Variants in ERBB4 observed in about 807,000 individuals in gnomAD.
ERBB4 encodes the protein erb-b2 receptor tyrosine kinase 4.
A neutral mutation model predicts 158.0 loss-of-function variants in ERBB4; 42 were observed. The observed-to-expected ratio is 0.27, with a 90% CI of 0.21 to 0.34. The LOEUF (loss-of-function observed/expected upper bound fraction) is 0.34. ERBB4 is among the 10% of genes least tolerant of loss of function. ERBB4 has a pLI of 1.00. For missense variants in ERBB4, 1,333 were observed against 1,624.1 expected, an observed-to-expected ratio of 0.82 and a Z score of 3.08; for synonymous variants, 583 against 558.7, an observed-to-expected ratio of 1.04 and a Z score of -0.61.
At chr2:211,548,981 A>C (rs1481066129) in intron 20 of ERBB4, among the ~76,000 whole-genome samples, 1 of 152,120 alleles carries the variant, frequency 6.6e-6, no homozygotes, top group Non-Finnish European at 1.5e-5. Context: ...CCAGTTCCAC[A>C]AAAGAAAATT....
chr2:211,998,417 T>A (rs1252677683), intron 2 of ERBB4, among the ~76,000 whole-genome samples: 1 of 151,484 alleles, frequency 6.6e-6, no homozygotes, highest in African/African-American at 2.4e-5. Context: ...TTATCACAGA[T>A]CTTTCTGAGA....
At chr2:212,457,774 T>C (rs1365110433) in intron 1 of ERBB4, among the ~76,000 whole-genome samples, 1 of 152,046 alleles carries the variant, frequency 6.6e-6, no homozygotes, top group Non-Finnish European at 1.5e-5. Flanking sequence ...ATTAGGCCTA[T>C]ATGTGAAATC....
At chr2:211,701,483 G>C (rs937611323) in intron 12 of ERBB4, among the ~76,000 whole-genome samples, 1 of 152,126 alleles carries the variant, frequency 6.6e-6, no homozygotes, top group African/African-American at 2.4e-5. Context: ...ACGGCCGGGC[G>C]CGGTGGCTCA....
intron 20 of ERBB4, among the ~76,000 whole-genome samples, chr2:211,550,883 G>T (rs2067075291): frequency 6.6e-6 from 1 of 150,610 alleles, no homozygotes; most frequent in Admixed American, 6.6e-5. Context: ...CTCTAATTAT[G>T]ACATGTCCTA....
chr2:212,060,061 T>A (rs1372895375), intron 2 of ERBB4, among the ~76,000 whole-genome samples: 2 of 152,126 alleles, frequency 1.3e-5, no homozygotes, highest in African/African-American at 4.8e-5. Context: ...AGGGCTAATA[T>A]CCAGAATCTA....
At chr2:211,579,923 G>A (rs1278162257) in intron 19 of ERBB4, among the ~76,000 whole-genome samples, 5 of 151,974 alleles carry the variant, frequency 3.3e-5, no homozygotes, top group Non-Finnish European at 4.4e-5. Flanking sequence ...CGTAACCTAC[G>A]TAACAAACCT....
At chr2:212,265,349 T>C (rs1218420919) in intron 1 of ERBB4, among the ~76,000 whole-genome samples, 1 of 152,102 alleles carries the variant, frequency 6.6e-6, no homozygotes, top group African/African-American at 2.4e-5. Flanking sequence ...AGAAGGTGAA[T>C]TATTGTACAT....
chr2:212,312,148 A>AG (rs992166620), intron 1 of ERBB4, among the ~76,000 whole-genome samples: 16 of 150,946 alleles, frequency 1.1e-4, no homozygotes, highest in African/African-American at 3.6e-4. Flanking sequence ...TTGTAACTGC[A>AG]GGGGGAGAAA....
intron 1 of ERBB4, among the ~76,000 whole-genome samples, chr2:212,182,774 T>A (rs549452926): frequency 1.1e-3 from 173 of 151,960 alleles, no homozygotes; most frequent in African/African-American, 3.8e-3. Context: ...TGTTTTGTTT[T>A]GTTTTGCTTT....
chr2:211,566,535 T>A, intron 19 of ERBB4, among the ~76,000 whole-genome samples: 1 of 152,138 alleles, frequency 6.6e-6, no homozygotes, highest in East Asian at 1.9e-4. Context: ...AGTAAACATT[T>A]GAAATAAAGC....
At chr2:211,598,322 G>A (rs1574833702) in intron 19 of ERBB4, among the ~76,000 whole-genome samples, 2 of 152,078 alleles carry the variant, frequency 1.3e-5, no homozygotes, top group South Asian at 2.1e-4. Flanking sequence ...AATGAACCCT[G>A]AAAACAGGAA....
chr2:212,013,056 T>TA lies in ERBB4; in HGVS notation c.235-65441_235-65440insT, dbSNP rs199882227. Among the ~76,000 whole-genome samples, 85 of 147,842 alleles carry TA rather than the reference T, an allele frequency of 5.7e-4. 1 individual carries two copies. The highest frequency in any genetic ancestry group is 3.6e-3 in the Middle Eastern group (1 of 278). On this transcript the variant is annotated intron_variant, in intron 2 of 27. Transcript: ENST00000342788. Reference sequence around the variant, plus strand: ...CACCATGCCCAGCCAAGAAATACTTTCCTTTTTTTTTTTTTTTTGAGACAG... The same window carrying TA: ...CACCATGCCCAGCCAAGAAATACTTTACCTTTTTTTTTTTTTTTTGAGACAG...
intron 3 of ERBB4, among the ~76,000 whole-genome samples, chr2:211,937,649 G>A (rs887204329): frequency 2.0e-5 from 3 of 152,062 alleles, no homozygotes; most frequent in African/African-American, 7.2e-5. Flanking sequence ...CCAGAAGGAA[G>A]GAGAATGAAT....
chr2:211,683,355 G>A (rs919477679), intron 12 of ERBB4, among the ~76,000 whole-genome samples: 1 of 151,990 alleles, frequency 6.6e-6, no homozygotes, highest in Non-Finnish European at 1.5e-5. Context: ...ACCCATTAGA[G>A]CTCCATTGCT....
At chr2:212,470,195 T>C (rs751466362) in intron 1 of ERBB4, among the ~76,000 whole-genome samples, 27 of 152,112 alleles carry the variant, frequency 1.8e-4, no homozygotes, top group Non-Finnish European at 2.6e-4. Context: ...AACCAAGATA[T>C]AATTAGCTGT....
chr2:212,380,971 T>C, intron 1 of ERBB4, among the ~76,000 whole-genome samples: 1 of 151,342 alleles, frequency 6.6e-6, no homozygotes. Flanking sequence ...GCAAAGGAGA[T>C]AGGTTTCTTT....
At chr2:212,304,314 A>G (rs2086729433) in intron 1 of ERBB4, among the ~76,000 whole-genome samples, 1 of 151,556 alleles carries the variant, frequency 6.6e-6, no homozygotes, top group Admixed American at 6.6e-5. Flanking sequence ...ATTCCAAACT[A>G]TACCTGAATA....
chr2:211,509,823 C>G (rs1470846037), intron 20 of ERBB4, among the ~76,000 whole-genome samples: 1 of 152,018 alleles, frequency 6.6e-6, no homozygotes, highest in African/African-American at 2.4e-5. Context: ...ATACAAGCAG[C>G]CAGCAAACAC....
At chr2:211,650,810 G>GATATCAACATATCAACATT (rs1374308232) in intron 16 of ERBB4, among the ~76,000 whole-genome samples, 3 of 152,092 alleles carry the variant, frequency 2.0e-5, no homozygotes, top group African/African-American at 7.2e-5. Context: ...ATTTCAACGT[G>GATATCAACATATCAACATT]TCACTGATAT....
Sources: gnomAD v4.1 joint callset for allele counts (sites outside exome capture counted in the v4.1 genomes callset) on GRCh38, gnomAD v4.1.1 for gene constraint, MANE v1.5 for transcripts, NCBI Gene and HGNC (gene_info 2026-07-23, HGNC 2026-07-21) for gene names.